Variants in CRACD observed in about 807,000 individuals in gnomAD.
CRACD encodes the protein capping protein inhibiting regulator of actin dynamics.
In CRACD, 56 loss-of-function variants were observed where a neutral mutation model predicts 106.8. The observed-to-expected ratio is 0.52, with a 90% CI of 0.42 to 0.66. The LOEUF is 0.66. CRACD is among the 30% of genes least tolerant of loss of function. The pLI is 0.00. For missense variants in CRACD, 1,730 were observed against 1,623.2 expected, an observed-to-expected ratio of 1.07 and a Z score of -1.13; for synonymous variants, 754 against 670.8, an observed-to-expected ratio of 1.12 and a Z score of -1.92.
At chr4:56,196,977 A>G (rs1248316782) in intron 2 of CRACD, among the ~76,000 whole-genome samples, 1 of 152,152 alleles carries the variant, frequency 6.6e-6, no homozygotes, top group African/African-American at 2.4e-5. Flanking sequence ...TCCATTCAGT[A>G]TATCATCTAT....
intron 8 of CRACD, among the ~76,000 whole-genome samples, chr4:56,320,163 C>T (rs891321154): frequency 6.6e-6 from 1 of 150,782 alleles, no homozygotes; most frequent in Middle Eastern, 3.4e-3. Context: ...AAAAACAAAC[C>T]TTTCATTACA....
chr4:56,135,413 C>T (rs971762881), intron 1 of CRACD, among the ~76,000 whole-genome samples: 2 of 152,178 alleles, frequency 1.3e-5, no homozygotes, highest in Non-Finnish European at 2.9e-5. Context: ...CAAAGCAATT[C>T]CAGGTAAGGG....
intron 1 of CRACD, among the ~76,000 whole-genome samples, chr4:56,172,328 C>A (rs1736403138): frequency 6.6e-6 from 1 of 152,164 alleles, no homozygotes; most frequent in South Asian, 2.1e-4. Flanking sequence ...GCAAGCAGCA[C>A]AGTTACCGCT....
intron 2 of CRACD, among the ~76,000 whole-genome samples, chr4:56,222,961 C>A (rs1739124642): frequency 6.7e-6 from 1 of 149,096 alleles, no homozygotes. Flanking sequence ...GGTGACAGAA[C>A]AAGACTCCGT....
chr4:56,306,505 C>T (rs201584415), intron 4 of CRACD, among the ~76,000 whole-genome samples: 52 of 148,548 alleles, frequency 3.5e-4, no homozygotes, highest in East Asian at 2.9e-3. Flanking sequence ...AGAGCGAGAC[C>T]GTGTCTCAAA....
intron 2 of CRACD, among the ~76,000 whole-genome samples, chr4:56,261,472 T>G (rs1009172310): frequency 6.6e-6 from 1 of 150,958 alleles, no homozygotes; most frequent in Non-Finnish European, 1.5e-5. Context: ...TGCCTCAGCC[T>G]CCCCAGTAGC....
At chr4:56,123,428 A>G (rs1734555787) in intron 1 of CRACD, among the ~76,000 whole-genome samples, 1 of 152,172 alleles carries the variant, frequency 6.6e-6, no homozygotes, top group African/African-American at 2.4e-5. Context: ...AGAATTATCT[A>G]TCTTCCACTT....
chr4:56,280,516 T>C (rs1368787054), intron 3 of CRACD, among the ~76,000 whole-genome samples: 1 of 152,222 alleles, frequency 6.6e-6, no homozygotes, highest in Non-Finnish European at 1.5e-5. Flanking sequence ...CCTGACATTG[T>C]TCTCACAACT....
intron 2 of CRACD, among the ~76,000 whole-genome samples, chr4:56,242,061 GAAACTACCTC>G (rs1416083291): frequency 1.3e-5 from 2 of 152,178 alleles, no homozygotes; most frequent in African/African-American, 4.8e-5. Context: ...TAAGAAGCCT[GAAACTACCTC>G]TGTCACTGCT....
intron 2 of CRACD, among the ~76,000 whole-genome samples, chr4:56,212,290 C>G (rs1279588694): frequency 6.6e-6 from 1 of 152,208 alleles, no homozygotes; most frequent in Non-Finnish European, 1.5e-5. Flanking sequence ...CAGGGAGGAA[C>G]CTGCAGCTCC....
intron 1 of CRACD, among the ~76,000 whole-genome samples, chr4:56,079,925 A>AG (rs1732966825): frequency 6.6e-6 from 1 of 152,202 alleles, no homozygotes; most frequent in African/African-American, 2.4e-5. Context: ...GAATGGCTTG[A>AG]GGGGGGATAT....
At chr4:56,091,148 G>C (rs1733412171) in intron 1 of CRACD, among the ~76,000 whole-genome samples, 1 of 151,994 alleles carries the variant, frequency 6.6e-6, no homozygotes, top group Non-Finnish European at 1.5e-5. Flanking sequence ...GAACTCCTGG[G>C]CTCAAGCAAT....
chr4:56,224,722 C>A (rs1739208448), intron 2 of CRACD, among the ~76,000 whole-genome samples: 1 of 152,214 alleles, frequency 6.6e-6, no homozygotes, highest in Admixed American at 6.5e-5. Context: ...CTTTCTGTTT[C>A]TTTGGCTTAA....
Position 56,096,813 on chromosome 4 carries a change from A to G in CRACD, c.-336+47514A>G, listed in dbSNP as rs1733615493. ...TGGCCTGGAATTAGCTTAAGTGATA[A>G]TAGAAGGAGTTGAATTGGAGATAAG... On this transcript the variant is annotated intron_variant, in intron 1 of 10. Coordinates refer to ENST00000682029, the MANE Select transcript of CRACD (RefSeq NM_001393381.1). 3.9e-5 allele frequency among the ~76,000 whole-genome samples: 6 copies of G among 152,206 alleles called. 1 individual carries two copies. The highest frequency in any genetic ancestry group is 3.9e-4 in the Admixed American group (6 of 15,280).
intron 10 of CRACD, among the ~76,000 whole-genome samples, chr4:56,324,737 C>T (rs547188265): frequency 1.3e-5 from 2 of 152,136 alleles, no homozygotes; most frequent in African/African-American, 2.4e-5. Flanking sequence ...TATAGCAGGA[C>T]TTGGGGTAAA....
At chr4:56,057,632 T>G (rs1470907823) in intron 1 of CRACD, among the ~76,000 whole-genome samples, 1 of 149,732 alleles carries the variant, frequency 6.7e-6, no homozygotes, top group Non-Finnish European at 1.5e-5. Flanking sequence ...TGGGTTTTTT[T>G]TTTTTTTTTT....
intron 1 of CRACD, among the ~76,000 whole-genome samples, chr4:56,136,114 A>T (rs1413271089): frequency 1.3e-5 from 2 of 151,402 alleles, no homozygotes; most frequent in Non-Finnish European, 2.9e-5. Flanking sequence ...TGTTCCTTTT[A>T]ATTAGAGTAA....
At chr4:56,303,322 G>A (rs943869144) in intron 4 of CRACD, among the ~76,000 whole-genome samples, 13 of 151,660 alleles carry the variant, frequency 8.6e-5, no homozygotes, top group African/African-American at 2.7e-4. Context: ...CTCCAGACTC[G>A]GTGACAGAGC....
At chr4:56,094,026 G>A (rs138790397) in intron 1 of CRACD, among the ~76,000 whole-genome samples, 1 of 152,174 alleles carries the variant, frequency 6.6e-6, no homozygotes. Context: ...ATAGTCACTA[G>A]AAGTCAGATG....
Sources: gnomAD v4.1 joint callset for allele counts (sites outside exome capture counted in the v4.1 genomes callset) on GRCh38, gnomAD v4.1.1 for gene constraint, MANE v1.5 for transcripts, NCBI Gene and HGNC (gene_info 2026-07-23, HGNC 2026-07-21) for gene names.